Variants in SAFB2 observed in about 807,000 individuals in gnomAD.
The protein encoded by SAFB2 is scaffold attachment factor B2.
Under a neutral mutation model 100.6 loss-of-function variants are expected in SAFB2, and 32 were observed. The observed-to-expected ratio is 0.32, with a 90% confidence interval of 0.24 to 0.43. The LOEUF is 0.43. Ranked by LOEUF, SAFB2 falls within the 20% of genes least tolerant of loss-of-function variation. The probability of loss-of-function intolerance (pLI) is 1.00; values close to 1 mark genes in which losing one functional copy is unlikely to be tolerated. For missense variants in SAFB2, 1,185 were observed against 1,163.4 expected (o/e 1.02, Z -0.27); for synonymous variants, 500 against 439.4 (o/e 1.14, Z -1.72).
intron 1 of SAFB2, among the ~76,000 whole-genome samples, 160 bp downstream of exon 1, chr19:5,622,370 G>A (rs1421741417): frequency 6.6e-6 from 1 of 152,166 alleles, no homozygotes; most frequent in African/African-American, 2.4e-5. Flanking sequence ...ACGGGCCAAG[G>A]TCACACAGCC....
Sources: allele counts gnomAD v4.1 joint callset (sites outside exome capture counted in the v4.1 genomes callset), GRCh38; gene constraint gnomAD v4.1.1; transcripts MANE v1.5; gene names NCBI Gene and HGNC (gene_info 2026-07-23, HGNC 2026-07-21).